ZRANB3: variants seen among roughly 807,000 people sequenced by gnomAD.
ZRANB3 encodes the protein zinc finger RANBP2-type containing 3, also known as DNA annealing helicase and endonuclease ZRANB3.
A neutral mutation model predicts 133.8 loss-of-function variants in ZRANB3; 125 were observed. That is an observed-to-expected ratio of 0.93 (90% confidence interval 0.81 to 1.08). ZRANB3 has a LOEUF of 1.08. Ranked by LOEUF, ZRANB3 falls within the 50% of genes least tolerant of loss-of-function variation. The pLI is 0.00. For missense variants in ZRANB3, 1,229 were observed against 1,275.5 expected, an observed-to-expected ratio of 0.96 and a Z score of 0.56; for synonymous variants, 387 against 432.7, an observed-to-expected ratio of 0.89 and a Z score of 1.31.
chr2:135,490,153 C>T (rs918654481), intron 2 of ZRANB3, among the ~76,000 whole-genome samples: 2 of 152,084 alleles, frequency 1.3e-5, no homozygotes, highest in Non-Finnish European at 2.9e-5. Flanking sequence ...CAAAATCAGC[C>T]AGGAAATAAA....
intron 8 of ZRANB3, among the ~76,000 whole-genome samples, chr2:135,277,356 G>C (rs1043390448): frequency 2.6e-5 from 4 of 152,188 alleles, no homozygotes; most frequent in Non-Finnish European, 5.9e-5. Context: ...TACATGCGCA[G>C]AGCTTCTAGT....
intron 2 of ZRANB3, among the ~76,000 whole-genome samples, chr2:135,405,667 C>T (rs190711247): frequency 2.0e-5 from 3 of 152,324 alleles, no homozygotes; most frequent in Non-Finnish European, 2.9e-5. Flanking sequence ...TTAAGAAATT[C>T]ACTCAAATCC....
chr2:135,519,295 A>G (rs1693825297), intron 1 of ZRANB3, among the ~76,000 whole-genome samples: 1 of 151,934 alleles, frequency 6.6e-6, no homozygotes, highest in Admixed American at 6.6e-5. Flanking sequence ...ATTTCTTACA[A>G]TTTCCCGTGA....
intron 2 of ZRANB3, among the ~76,000 whole-genome samples, chr2:135,410,150 T>G (rs1688236279): frequency 1.3e-5 from 2 of 152,028 alleles, no homozygotes; most frequent in Admixed American, 1.3e-4. Context: ...AAAATTCATA[T>G]GAAACAAAAA....
intron 12 of ZRANB3, among the ~76,000 whole-genome samples, chr2:135,236,304 G>A (rs1176116058): frequency 6.6e-6 from 1 of 151,990 alleles, no homozygotes; most frequent in Non-Finnish European, 1.5e-5. Flanking sequence ...CAAACAAATG[G>A]AAGAACATTC....
chr2:135,355,780 C>A (rs1685406308), intron 3 of ZRANB3, among the ~76,000 whole-genome samples: 1 of 152,156 alleles, frequency 6.6e-6, no homozygotes, highest in African/African-American at 2.4e-5. Context: ...GTGGACAATA[C>A]CACTAACTTT....
intron 11 of ZRANB3, among the ~76,000 whole-genome samples, 157 bp from the exon 12 acceptor site, chr2:135,265,843 A>C (rs1174035059): frequency 2.0e-5 from 3 of 152,202 alleles, no homozygotes; most frequent in Admixed American, 1.3e-4. Flanking sequence ...TATCTTTGTA[A>C]ACCAAAAATA....
chr2:135,368,771 A>G (rs1470501970), intron 3 of ZRANB3, among the ~76,000 whole-genome samples: 1 of 151,972 alleles, frequency 6.6e-6, no homozygotes, highest in Non-Finnish European at 1.5e-5. Context: ...TCTACTATGT[A>G]CCCACAAAAA....
chr2:135,447,616 A>C (rs1690080278), intron 2 of ZRANB3, among the ~76,000 whole-genome samples: 1 of 152,128 alleles, frequency 6.6e-6, no homozygotes, highest in African/African-American at 2.4e-5. Context: ...TGGACTTATA[A>C]TTCTAGGTAA....
intron 2 of ZRANB3, among the ~76,000 whole-genome samples, chr2:135,472,892 C>T (rs973764593): frequency 3.9e-5 from 6 of 152,130 alleles, no homozygotes; most frequent in Non-Finnish European, 7.3e-5. Flanking sequence ...GTTTATACAT[C>T]GTAGGGTTGT....
chr2:135,372,531 C>T (rs1686229346), intron 3 of ZRANB3, among the ~76,000 whole-genome samples: 1 of 152,076 alleles, frequency 6.6e-6, no homozygotes, highest in Non-Finnish European at 1.5e-5. Context: ...GGCGCGGTGG[C>T]TCATGCCTGT....
At chr2:135,483,716 T>C (rs982108832) in intron 2 of ZRANB3, among the ~76,000 whole-genome samples, 2 of 152,220 alleles carry the variant, frequency 1.3e-5, no homozygotes, top group Non-Finnish European at 2.9e-5. Context: ...GGTGTCAATT[T>C]TGGATCTTTC....
intron 8 of ZRANB3, among the ~76,000 whole-genome samples, chr2:135,301,187 T>G (rs998059448): frequency 1.4e-5 from 2 of 146,006 alleles, no homozygotes; most frequent in Non-Finnish European, 1.5e-5. Flanking sequence ...ATATGTTTAT[T>G]TTTTTTTTTT....
At chr2:135,518,030 G>A (rs990999652) in intron 1 of ZRANB3, among the ~76,000 whole-genome samples, 4 of 152,086 alleles carry the variant, frequency 2.6e-5, no homozygotes, top group Non-Finnish European at 4.4e-5. Context: ...CACCCAGTTC[G>A]AACTTCCCAG....
chr2:135,510,642 T>C (rs190788892), intron 1 of ZRANB3: 22 of 789,712 alleles, frequency 2.8e-5, no homozygotes, highest in African/African-American at 3.4e-5. Context: ...CCAGCCCACA[T>C]AGAGGGCCTC....
intron 2 of ZRANB3, among the ~76,000 whole-genome samples, chr2:135,485,357 C>T (rs555005341): frequency 1.2e-4 from 18 of 152,042 alleles, no homozygotes; most frequent in East Asian, 1.9e-4. Context: ...CAAGGCTCAA[C>T]GACAAATGCT....
At position 135,203,051 on chromosome 2, in the gene ZRANB3, T is replaced by C. The variant is rs76157281; in HGVS notation, c.3010-88A>G. 1.4e-4 allele frequency: 205 copies of C among 1,467,112 alleles called. 2 individuals carry two copies. The East Asian group carries it at 4.3e-3, about 31-fold the overall frequency. The allele number at this position is 1,467,112 out of a possible 1,614,324, so 90.9% of individuals were successfully genotyped here. Reference sequence around the variant, plus strand: ...TGCATTGTGCAATCATGTATGTTTATACAGGAAAATCATGGGGAAAAATAC... The same window carrying C: ...TGCATTGTGCAATCATGTATGTTTACACAGGAAAATCATGGGGAAAAATAC... On this transcript the variant is annotated intron_variant, in intron 19 of 20. Transcript: ENST00000264159.
intron 2 of ZRANB3, among the ~76,000 whole-genome samples, chr2:135,452,188 T>C (rs755435572): frequency 6.6e-6 from 1 of 152,134 alleles, no homozygotes; most frequent in Non-Finnish European, 1.5e-5. Flanking sequence ...AAACCCCTGA[T>C]GAACCCATCA....
At chr2:135,355,127 T>C (rs6732991) in intron 3 of ZRANB3, 1 of 644,852 alleles carries the variant, frequency 1.6e-6, no homozygotes, top group African/African-American at 2.0e-5. Context: ...CAAGTTTCCA[T>C]TGAGAAAACT....
Sources: allele counts gnomAD v4.1 joint callset (sites outside exome capture counted in the v4.1 genomes callset), GRCh38; gene constraint gnomAD v4.1.1; transcripts MANE v1.5; gene names NCBI Gene and HGNC (gene_info 2026-07-23, HGNC 2026-07-21).